Variants in FBN2 observed in about 807,000 individuals in gnomAD.
FBN2 encodes the protein fibrillin-2.
FBN2 carries 105 observed loss-of-function variants against 355.6 expected under a neutral mutation model. The observed-to-expected ratio is 0.30, with a 90% CI of 0.25 to 0.35. The LOEUF (loss-of-function observed/expected upper bound fraction) is 0.35, where lower values mean the gene tolerates loss of function less well. Among genes scored for constraint, FBN2 ranks in the 10% least tolerant of loss-of-function variants. FBN2 has a pLI of 1.00. For synonymous variants in FBN2, 1,350 were observed against 1,301.2 expected (o/e 1.04, Z -0.81); for missense variants, 3,280 against 3,758.7 (o/e 0.87, Z 3.33).
At chr5:128,428,818 T>C (rs1753546736) in intron 7 of FBN2, among the ~76,000 whole-genome samples, 1 of 152,240 alleles carries the variant, frequency 6.6e-6, no homozygotes, top group African/African-American at 2.4e-5. Flanking sequence ...TGAGTGATTC[T>C]GGTATCAGTG....
intron 6 of FBN2, 117 bp from the exon 7 acceptor site, chr5:128,446,723 A>G (rs1754074914): frequency 6.4e-6 from 7 of 1,092,914 alleles, no homozygotes; most frequent in African/African-American, 1.6e-5. Flanking sequence ...TTTTCTCAAG[A>G]GAGTGGGGTT....
intron 11 of FBN2, among the ~76,000 whole-genome samples, chr5:128,384,547 C>A (rs1191554849): frequency 6.6e-6 from 1 of 152,048 alleles, no homozygotes; most frequent in East Asian, 1.9e-4. Flanking sequence ...TCTTCTTGGG[C>A]TTACAGACTT....
Position 128,345,367 on chromosome 5 carries a change from T to C in FBN2, c.3207A>G (p.Pro1069=). 1.2e-6 allele frequency: 2 copies of C among 1,614,040 alleles called. No individual in the cohort carries two copies. The highest frequency in any genetic ancestry group is 8.5e-7 in the Non-Finnish European group (1 of 1,179,958). ...ANRGDVLTGR[P]FYKDINECKA... ...GCCGCAGGCAGTTACCTTTGTAAAA[T>C]GGCCGCCCAGTAAGAACATCCCCTC... Residue 1069 remains proline (P), a synonymous_variant, in exon 24 of 65, where the codon CCA becomes CCG. Coordinates refer to ENST00000262464, the MANE Select transcript of FBN2 (RefSeq NM_001999.4).
At chr5:128,279,535 G>T (rs1280388178) in intron 56 of FBN2, among the ~76,000 whole-genome samples, 3 of 152,048 alleles carry the variant, frequency 2.0e-5, no homozygotes, top group Non-Finnish European at 2.9e-5. Flanking sequence ...CTTGGAATTT[G>T]AAGCATATGA....
chr5:128,340,483 T>C (rs531080827), intron 25 of FBN2, among the ~76,000 whole-genome samples: 11 of 152,340 alleles, frequency 7.2e-5, no homozygotes, highest in African/African-American at 2.6e-4. Context: ...TAACAATATG[T>C]ATATTAATTT....
intron 48 of FBN2, among the ~76,000 whole-genome samples, chr5:128,296,118 T>C (rs1224350384): frequency 6.6e-6 from 1 of 152,260 alleles, no homozygotes; most frequent in African/African-American, 2.4e-5. Context: ...TTTTTGGTTC[T>C]GTTTATATGC....
At chr5:128,378,007 A>ATTTTT in intron 12 of FBN2, 130 bp from the exon 13 acceptor site, 41 of 555,348 alleles carry the variant, frequency 7.4e-5, no homozygotes, top group Middle Eastern at 4.3e-4. Context: ...GTCTCTCAGC[A>ATTTTT]GTTTTTTTTT....
In FBN2 at chr5:128,359,307, CCT is replaced by C. The variant is rs374037081; in HGVS notation, c.2555-1914_2555-1913del. Among the ~76,000 whole-genome samples, 563 of 152,014 alleles carry C rather than the reference CCT, an allele frequency of 3.7e-3. 4 individuals are homozygous for C. The highest frequency in any genetic ancestry group is 0.013 in the African/African-American group (529 of 41,494). On this transcript the variant is annotated intron_variant, in intron 19 of 64. Transcript: ENST00000262464. ...TTTGCAATGAATCTGCTAATAATTC[CCT>C]GTCTAGTCTTTGGAAATTAATTCAG... is the stretch of plus-strand genomic sequence containing the variant.
At chr5:128,355,884 G>A (rs993936222) in intron 20 of FBN2, among the ~76,000 whole-genome samples, 3 of 152,110 alleles carry the variant, frequency 2.0e-5, no homozygotes, top group Non-Finnish European at 2.9e-5. Flanking sequence ...ATAAAGACTT[G>A]GGGGTAAAAA....
chr5:128,513,903 G>A (rs191316896), intron 5 of FBN2, among the ~76,000 whole-genome samples: 8 of 152,010 alleles, frequency 5.3e-5, no homozygotes, highest in Non-Finnish European at 1.2e-4. Context: ...CTGAGCTAGT[G>A]CCAAAAAGTT....
At chr5:128,443,077 G>A (rs773083280) in intron 7 of FBN2, among the ~76,000 whole-genome samples, 2 of 152,192 alleles carry the variant, frequency 1.3e-5, no homozygotes, top group African/African-American at 4.8e-5. Flanking sequence ...CACAGTGAAT[G>A]AGCAGAAGAC....
chr5:128,407,218 G>C (rs954350457), intron 8 of FBN2, among the ~76,000 whole-genome samples: 3 of 152,090 alleles, frequency 2.0e-5, no homozygotes, highest in Admixed American at 1.3e-4. Context: ...TTGAATCCTG[G>C]CTCCATTCAT....
chr5:128,300,793 C>T lies in FBN2; in HGVS notation c.6166+24G>A, dbSNP rs28763934. 0.098 allele frequency: 157,745 copies of T among 1,610,962 alleles called. 8,151 individuals carry two copies. The highest frequency in any genetic ancestry group is 0.12 in the Middle Eastern group (714 of 6,048). Reference sequence around the variant, plus strand: ...CTTACTATACTGAACTACTAGTGGGCCTCAGAATAAATGTTACTCTTACCA... The same window carrying T: ...CTTACTATACTGAACTACTAGTGGGTCTCAGAATAAATGTTACTCTTACCA... On this transcript the variant is annotated intron_variant, in intron 48 of 64. Transcript: ENST00000262464.
chr5:128,492,606 C>G (rs1755538593), intron 5 of FBN2, among the ~76,000 whole-genome samples: 1 of 151,960 alleles, frequency 6.6e-6, no homozygotes, highest in African/African-American at 2.4e-5. Flanking sequence ...AGTTCAAGAC[C>G]AGCCTTGCCA....
intron 36 of FBN2, among the ~76,000 whole-genome samples, chr5:128,317,615 G>A (rs1750242094): frequency 6.6e-6 from 1 of 152,084 alleles, no homozygotes; most frequent in South Asian, 2.1e-4. Context: ...AGTGCAGATA[G>A]TAAAAGCTGG....
At chr5:128,269,550 A>G (rs1437372154) in intron 62 of FBN2, among the ~76,000 whole-genome samples, 1 of 152,146 alleles carries the variant, frequency 6.6e-6, no homozygotes, top group Non-Finnish European at 1.5e-5. Flanking sequence ...TACAAAATCA[A>G]TGTGCAAGAA....
chr5:128,484,384 C>A (rs1386392263), intron 5 of FBN2, among the ~76,000 whole-genome samples: 1 of 152,126 alleles, frequency 6.6e-6, no homozygotes, highest in East Asian at 1.9e-4. Context: ...AGTCTAAGAG[C>A]AGATAGCTGA....
chr5:128,415,631 T>C (rs1273203806), intron 7 of FBN2, among the ~76,000 whole-genome samples: 1 of 152,222 alleles, frequency 6.6e-6, no homozygotes, highest in African/African-American at 2.4e-5. Flanking sequence ...GTTGATTCCA[T>C]ATCTTTGCTA....
chr5:128,402,097 A>T (rs768874585), intron 8 of FBN2, among the ~76,000 whole-genome samples: 10 of 152,148 alleles, frequency 6.6e-5, no homozygotes, highest in Non-Finnish European at 1.2e-4. Flanking sequence ...GCTGGGAATT[A>T]CCTCTCTTTC....
Sources: allele counts gnomAD v4.1 joint callset (sites outside exome capture counted in the v4.1 genomes callset), GRCh38; gene constraint gnomAD v4.1.1; transcripts MANE v1.5; gene names NCBI Gene and HGNC (gene_info 2026-07-23, HGNC 2026-07-21).